The following AGPAT3 variants were observed in gnomAD, a reference collection of about 807,000 sequenced individuals.
AGPAT3 encodes the protein 1-acylglycerol-3-phosphate O-acyltransferase 3, also known as 1-acyl-sn-glycerol-3-phosphate acyltransferase gamma.
A neutral mutation model predicts 47.3 loss-of-function variants in AGPAT3; 5 were observed. The observed-to-expected ratio is 0.11, with a 90% CI of 0.06 to 0.22. AGPAT3 has a LOEUF of 0.22. Among genes scored for constraint, AGPAT3 ranks in the 10% least tolerant of loss-of-function variants. The pLI is 1.00. For missense variants in AGPAT3, 315 were observed against 493.0 expected (o/e 0.64, Z 3.42); for synonymous variants, 212 against 208.3 (o/e 1.02, Z -0.15).
At chr21:43,876,096 A>G (rs1164054906) in intron 1 of AGPAT3, among the ~76,000 whole-genome samples, 4 of 150,846 alleles carry the variant, frequency 2.7e-5, no homozygotes, top group African/African-American at 9.8e-5. Flanking sequence ...TGTTCTTTTA[A>G]TTTTCATTTT....
Position 43,901,817 on chromosome 21 carries a change from T to C in AGPAT3, c.-111-2140T>C, listed in dbSNP as rs560406245. On this transcript the variant is annotated intron_variant, in intron 1 of 9. Transcript: ENST00000291572. Reference sequence around the variant, plus strand: ...ATAAATCTTCTAGAAATGAAAAATATGCTGAATGGGATTAGTGGTAGATTA... The same window carrying C: ...ATAAATCTTCTAGAAATGAAAAATACGCTGAATGGGATTAGTGGTAGATTA... Among the ~76,000 whole-genome samples the C allele has an allele frequency of 8.9e-4, 135 of 152,240 alleles. 1 individual carries two copies. Among genetic ancestry groups the C allele is most frequent in the African/African-American group, 3.1e-3 (129 of 41,542 alleles).
chr21:43,936,732 C>T (rs1421791067), intron 2 of AGPAT3, among the ~76,000 whole-genome samples: 2 of 152,212 alleles, frequency 1.3e-5, no homozygotes, highest in South Asian at 2.1e-4. Flanking sequence ...TGGATGGAGG[C>T]GCAGAGGCCT....
At chr21:43,868,903 G>T (rs1335786927) in intron 1 of AGPAT3, among the ~76,000 whole-genome samples, 1 of 152,122 alleles carries the variant, frequency 6.6e-6, no homozygotes. Flanking sequence ...GTCTCAGCTT[G>T]GGCAAATCTA....
intron 2 of AGPAT3, among the ~76,000 whole-genome samples, chr21:43,936,370 T>G (rs573520643): frequency 3.3e-5 from 5 of 152,258 alleles, no homozygotes; most frequent in Non-Finnish European, 5.9e-5. Context: ...TGGGTGCACC[T>G]GCAGCGTTCG....
chr21:43,879,474 G>A (rs762491519), intron 1 of AGPAT3, among the ~76,000 whole-genome samples: 22 of 151,698 alleles, frequency 1.5e-4, no homozygotes, highest in Admixed American at 1.1e-3. Context: ...AAAAGGGACC[G>A]CGGGTGTCTG....
At chr21:43,918,029 A>G (rs1305261699) in intron 2 of AGPAT3, among the ~76,000 whole-genome samples, 47 of 41,412 alleles carry the variant, frequency 1.1e-3, no homozygotes, top group South Asian at 3.6e-3. Context: ...TTGGTGTTGT[A>G]GGGGTTGTTG....
intron 1 of AGPAT3, among the ~76,000 whole-genome samples, chr21:43,865,583 G>T (rs867631548): frequency 8.0e-5 from 12 of 149,916 alleles, no homozygotes; most frequent in African/African-American, 2.4e-4. Flanking sequence ...CCGCAACCCC[G>T]GCCTCCCCGG....
chr21:43,866,227 C>T (rs1031975448), intron 1 of AGPAT3, among the ~76,000 whole-genome samples: 2 of 146,048 alleles, frequency 1.4e-5, no homozygotes, highest in African/African-American at 2.5e-5. Flanking sequence ...ATTTTAAAAG[C>T]TTTGTCTAGG....
At chr21:43,971,676 C>T (rs1011454428) in intron 7 of AGPAT3, among the ~76,000 whole-genome samples, 186 bp downstream of exon 7, 2 of 152,278 alleles carry the variant, frequency 1.3e-5, no homozygotes, top group South Asian at 2.1e-4. Flanking sequence ...CTGCAGGACT[C>T]GTCCGGGGCT....
intron 2 of AGPAT3, among the ~76,000 whole-genome samples, chr21:43,912,887 C>T (rs1186489757): frequency 1.3e-5 from 2 of 152,218 alleles, no homozygotes; most frequent in South Asian, 2.1e-4. Context: ...TTGTCCCTGA[C>T]GGTTGCTGCG....
chr21:43,882,082 A>G (rs1405931230), intron 1 of AGPAT3, among the ~76,000 whole-genome samples: 1 of 152,254 alleles, frequency 6.6e-6, no homozygotes, highest in East Asian at 1.9e-4. Flanking sequence ...TCCAGGGTCT[A>G]AGCCACTGCA....
intron 2 of AGPAT3, among the ~76,000 whole-genome samples, chr21:43,926,629 C>T (rs982720957): frequency 3.8e-4 from 50 of 131,564 alleles, no homozygotes; most frequent in Admixed American, 9.5e-4. Context: ...CCGTGAGCTA[C>T]GCTGGCCTTT....
At chr21:43,967,600 AGTG>A in intron 3 of AGPAT3, 1 of 224,848 alleles carries the variant, frequency 4.4e-6, no homozygotes, top group Non-Finnish European at 8.8e-6. Context: ...CTAATCATCT[AGTG>A]ACATTTTTCA....
intron 1 of AGPAT3, among the ~76,000 whole-genome samples, chr21:43,872,640 G>A (rs1476812733): frequency 1.3e-5 from 2 of 152,224 alleles, no homozygotes; most frequent in African/African-American, 4.8e-5. Context: ...TTCACGTCAT[G>A]TGGGAGTGGT....
At chr21:43,935,422 A>G (rs2087410950) in intron 2 of AGPAT3, among the ~76,000 whole-genome samples, 2 of 152,242 alleles carry the variant, frequency 1.3e-5, no homozygotes, top group South Asian at 4.1e-4. Context: ...CCTGGCAGGC[A>G]TGAAGCCGTT....
intron 5 of AGPAT3, among the ~76,000 whole-genome samples, chr21:43,969,814 C>T (rs1382026370): frequency 2.6e-5 from 4 of 152,126 alleles, no homozygotes; most frequent in Non-Finnish European, 4.4e-5. Context: ...TCTCCTGCTT[C>T]AGGCTCCCAA....
chr21:43,973,203 C>G (rs1417527349), intron 7 of AGPAT3, among the ~76,000 whole-genome samples: 2 of 152,254 alleles, frequency 1.3e-5, no homozygotes, highest in South Asian at 2.1e-4. Context: ...AGTGGGGCCA[C>G]GAGCTGAGAG....
chr21:43,957,812 A>G (rs921582331), intron 2 of AGPAT3, among the ~76,000 whole-genome samples: 4 of 148,168 alleles, frequency 2.7e-5, no homozygotes, highest in Admixed American at 2.7e-4. Flanking sequence ...TCCCCTCCAC[A>G]CTGGGGTCTC....
At chr21:43,917,197 C>A (rs1367615358) in intron 2 of AGPAT3, among the ~76,000 whole-genome samples, 1 of 151,020 alleles carries the variant, frequency 6.6e-6, no homozygotes, top group East Asian at 1.9e-4. Context: ...ACACGTACCG[C>A]TGTCAGCCTT....
Sources: gnomAD v4.1 joint callset for allele counts (sites outside exome capture counted in the v4.1 genomes callset) on GRCh38, gnomAD v4.1.1 for gene constraint, MANE v1.5 for transcripts, NCBI Gene and HGNC (gene_info 2026-07-23, HGNC 2026-07-21) for gene names.